The following CFAP20DC variants were observed in gnomAD, a reference collection of about 807,000 sequenced individuals.
CFAP20DC encodes CFAP20 domain containing, also known as protein CFAP20DC.
Under a neutral mutation model 101.7 loss-of-function variants are expected in CFAP20DC, and 84 were observed. The observed-to-expected ratio is 0.83, with a 90% CI of 0.69 to 0.99. The LOEUF (loss-of-function observed/expected upper bound fraction) is 0.99. Among genes scored for constraint, CFAP20DC ranks in the 50% least tolerant of loss-of-function variants. The pLI is 0.00. For synonymous variants in CFAP20DC, 359 were observed against 351.2 expected (o/e 1.02, Z -0.25); for missense variants, 1,007 against 970.3 (o/e 1.04, Z -0.50).
chr3:58,780,981 T>C (rs892017013), intron 15 of CFAP20DC, among the ~76,000 whole-genome samples: 6 of 152,098 alleles, frequency 3.9e-5, no homozygotes, highest in African/African-American at 1.4e-4. Flanking sequence ...AGCTACAGAA[T>C]AGATATCCTT....
chr3:59,046,622 A>T (rs1278618782), intron 2 of CFAP20DC, among the ~76,000 whole-genome samples: 2 of 152,158 alleles, frequency 1.3e-5, no homozygotes, highest in African/African-American at 4.8e-5. Flanking sequence ...AAATTAATTA[A>T]ATCAATAAAT....
chr3:58,990,367 G>T (rs2092900340), intron 4 of CFAP20DC, among the ~76,000 whole-genome samples: 1 of 152,128 alleles, frequency 6.6e-6, no homozygotes, highest in Non-Finnish European at 1.5e-5. Context: ...TTGTATACGT[G>T]TATTAAAAAT....
chr3:58,848,533 A>T (rs2077930753), intron 13 of CFAP20DC, among the ~76,000 whole-genome samples: 1 of 152,168 alleles, frequency 6.6e-6, no homozygotes, highest in South Asian at 2.1e-4. Context: ...GAATACAGCC[A>T]CCAAACTAGC....
Position 58,979,586 on chromosome 3 carries a change from G to C in CFAP20DC, c.279-41824C>G, listed in dbSNP as rs551267229. On this transcript the variant is annotated intron_variant, in intron 4 of 16. Coordinates refer to ENST00000482387, the MANE Select transcript of CFAP20DC (RefSeq NM_001394063.1). ...AGGCTCTGAACTTCCATAAGAGAAC[G>C]TCAACTCTGCTTCCGGTCTGGTATC... Among the ~76,000 whole-genome samples, 28 of 152,212 alleles carry C rather than the reference G, an allele frequency of 1.8e-4. No homozygotes were observed. The Middle Eastern group carries it at 0.01, about 55-fold the overall frequency.
intron 14 of CFAP20DC, among the ~76,000 whole-genome samples, chr3:58,808,108 A>G (rs1452807567): frequency 2.0e-5 from 3 of 152,230 alleles, no homozygotes; most frequent in Non-Finnish European, 4.4e-5. Flanking sequence ...TGAAAGTGAC[A>G]GGGAGAATGG....
chr3:58,853,625 G>T (rs928237000), intron 12 of CFAP20DC, among the ~76,000 whole-genome samples: 1 of 151,974 alleles, frequency 6.6e-6, no homozygotes, highest in African/African-American at 2.4e-5. Flanking sequence ...ACATCAAAAT[G>T]CTTATCCACC....
At chr3:58,806,283 TAA>T (rs2074046949) in intron 15 of CFAP20DC, 110 bp downstream of exon 15, 1 of 726,318 alleles carries the variant, frequency 1.4e-6, no homozygotes, top group East Asian at 2.7e-5. Flanking sequence ...TGAAAGAACA[TAA>T]GTTTGGAAGC....
intron 4 of CFAP20DC, chr3:58,992,436 A>G (rs2092972346): frequency 2.8e-6 from 1 of 362,606 alleles, no homozygotes; most frequent in Non-Finnish European, 3.8e-6. Flanking sequence ...ATGTACTGGC[A>G]CTATGTACAG....
At chr3:58,890,606 C>T (rs1235537161) in intron 6 of CFAP20DC, among the ~76,000 whole-genome samples, 12 of 151,646 alleles carry the variant, frequency 7.9e-5, no homozygotes, top group African/African-American at 2.7e-4. Context: ...GGCTGCCGGG[C>T]GGAGACGCTC....
chr3:59,028,410 G>C (rs2093930333), intron 4 of CFAP20DC, among the ~76,000 whole-genome samples: 1 of 152,114 alleles, frequency 6.6e-6, no homozygotes. Flanking sequence ...CAGCATGAAA[G>C]AAAGACCTTT....
At chr3:59,037,465 G>A (rs934088213) in intron 4 of CFAP20DC, among the ~76,000 whole-genome samples, 1 of 151,798 alleles carries the variant, frequency 6.6e-6, no homozygotes, top group Non-Finnish European at 1.5e-5. Context: ...CAAAAACTGG[G>A]CAAAGGATAT....
At chr3:58,816,005 A>G (rs1445671081) in intron 14 of CFAP20DC, among the ~76,000 whole-genome samples, 1 of 151,832 alleles carries the variant, frequency 6.6e-6, no homozygotes, top group East Asian at 1.9e-4. Context: ...CCATCCCATT[A>G]CTGGGTATAT....
At chr3:58,839,305 G>T (rs914321243) in intron 13 of CFAP20DC, among the ~76,000 whole-genome samples, 13 of 152,176 alleles carry the variant, frequency 8.5e-5, no homozygotes, top group African/African-American at 3.1e-4. Context: ...ATTTGACACT[G>T]CTTTGTCACA....
chr3:59,032,514 G>A (rs914667265), intron 4 of CFAP20DC, among the ~76,000 whole-genome samples: 3 of 152,134 alleles, frequency 2.0e-5, no homozygotes, highest in African/African-American at 7.2e-5. Flanking sequence ...TTGGTGGGGG[G>A]AGGGGCATCC....
At chr3:58,737,293 C>T, downstream of CFAP20DC, 1 of 455,402 alleles carries the variant, frequency 2.2e-6, no homozygotes. The surrounding 1 kb of genome is among the most constrained non-coding windows in gnomAD (Gnocchi z 4.1). Context: ...CACCCCACTA[C>T]CAAATCTCTC....
intron 4 of CFAP20DC, among the ~76,000 whole-genome samples, chr3:59,004,656 G>T (rs2093392790): frequency 6.6e-6 from 1 of 152,218 alleles, no homozygotes; most frequent in Non-Finnish European, 1.5e-5. Context: ...ATTCTCTTGA[G>T]AAATCTGAAG....
At chr3:58,830,483 A>G (rs1254599128) in intron 14 of CFAP20DC, among the ~76,000 whole-genome samples, 1 of 152,212 alleles carries the variant, frequency 6.6e-6, no homozygotes, top group African/African-American at 2.4e-5. Context: ...ATAACATGTA[A>G]GGCATTAGGT....
At chr3:58,727,121 C>G (rs1208760004) in intron 3 of CFAP20DC, 7 of 176,328 alleles carry the variant, frequency 4.0e-5, no homozygotes, top group Non-Finnish European at 7.3e-5. Context: ...AAGTGCTATC[C>G]TACAGTGTTC....
At chr3:58,909,343 G>A (rs1224880079) in intron 6 of CFAP20DC, among the ~76,000 whole-genome samples, 2 of 152,126 alleles carry the variant, frequency 1.3e-5, no homozygotes, top group East Asian at 1.9e-4. Flanking sequence ...TAAAAAAAAA[G>A]TTGTGCATAT....
Sources: allele counts gnomAD v4.1 joint callset (sites outside exome capture counted in the v4.1 genomes callset), GRCh38; gene constraint gnomAD v4.1.1; non-coding constraint Gnocchi (gnomAD v3.1); transcripts MANE v1.5; gene names NCBI Gene and HGNC (gene_info 2026-07-23, HGNC 2026-07-21).